Variants in SLCO6A1 observed in about 807,000 individuals in gnomAD.
SLCO6A1 encodes cancer/testis antigen 48.
SLCO6A1 carries 65 observed loss-of-function variants against 72.7 expected under a neutral mutation model. That is an observed-to-expected ratio of 0.89 (90% CI 0.73 to 1.10). The LOEUF is 1.10. Ranked by LOEUF, SLCO6A1 falls within the 50% of genes least tolerant of loss-of-function variation. The pLI, the probability that SLCO6A1 is intolerant of heterozygous loss-of-function variation, is 0.00. For synonymous variants in SLCO6A1, 314 were observed against 298.2 expected (o/e 1.05, Z -0.55); for missense variants, 874 against 872.6 (o/e 1.00, Z -0.02).
intron 7 of SLCO6A1, among the ~76,000 whole-genome samples, chr5:102,433,812 T>C (rs1749351775): frequency 6.6e-6 from 1 of 152,078 alleles, no homozygotes; most frequent in African/African-American, 2.4e-5. Flanking sequence ...TGGCAGGTAC[T>C]GGGGTGCTAG....
chr5:102,459,545 G>T, intron 5 of SLCO6A1, 111 bp downstream of exon 5: 2 of 1,215,242 alleles, frequency 1.6e-6, no homozygotes, highest in Non-Finnish European at 2.2e-6. Flanking sequence ...CCACTACAGC[G>T]AGAGGCATAC....
chr5:102,481,539 C>T (rs1752194247), intron 1 of SLCO6A1, among the ~76,000 whole-genome samples: 1 of 152,186 alleles, frequency 6.6e-6, no homozygotes, highest in East Asian at 1.9e-4. Context: ...ATTGTGGTTT[C>T]AGACTTCCCA....
intron 6 of SLCO6A1, among the ~76,000 whole-genome samples, chr5:102,452,040 T>C (rs183773470): frequency 7.2e-5 from 11 of 152,372 alleles, no homozygotes; most frequent in African/African-American, 2.6e-4. Flanking sequence ...TTGATTTATT[T>C]TGTCAGCAAT....
At chr5:102,455,027 T>TATATAAATATATATATATATATACATAA (rs144619414) in intron 6 of SLCO6A1, among the ~76,000 whole-genome samples, 1 of 141,830 alleles carries the variant, frequency 7.1e-6, no homozygotes, top group African/African-American at 2.7e-5. Flanking sequence ...TATATATATA[T>TATATAAATATATATATATATATACATAA]AAATTATGTT....
chr5:102,444,682 G>T (rs1161283722), intron 6 of SLCO6A1, among the ~76,000 whole-genome samples: 2 of 152,106 alleles, frequency 1.3e-5, no homozygotes, highest in African/African-American at 2.4e-5. Flanking sequence ...GTCACACCTA[G>T]GAGATGATTC....
At chr5:102,399,450 C>G (rs1221614908) in intron 10 of SLCO6A1, 105 bp downstream of exon 10, 4 of 737,048 alleles carry the variant, frequency 5.4e-6, no homozygotes, top group Non-Finnish European at 7.7e-6. Flanking sequence ...GCATTTGCTA[C>G]CATGAAACAC....
intron 7 of SLCO6A1, among the ~76,000 whole-genome samples, chr5:102,425,964 G>T (rs1351314579): frequency 6.6e-6 from 1 of 150,984 alleles, no homozygotes; most frequent in African/African-American, 2.4e-5. Context: ...AAATAATGCT[G>T]TGTATCTACA....
intron 6 of SLCO6A1, among the ~76,000 whole-genome samples, chr5:102,441,869 G>T (rs1749852075): frequency 6.6e-6 from 1 of 151,150 alleles, no homozygotes; most frequent in African/African-American, 2.4e-5. Flanking sequence ...TTATTCTATA[G>T]TTTTTTTATT....
At chr5:102,376,843 C>G (rs1380902912) in intron 12 of SLCO6A1, among the ~76,000 whole-genome samples, 3 of 152,074 alleles carry the variant, frequency 2.0e-5, no homozygotes, top group Non-Finnish European at 4.4e-5. Context: ...CCCAATAAAA[C>G]AAAAACATAT....
At chr5:102,445,566 G>A (rs1042087801) in intron 6 of SLCO6A1, among the ~76,000 whole-genome samples, 1 of 152,012 alleles carries the variant, frequency 6.6e-6, no homozygotes, top group Non-Finnish European at 1.5e-5. Context: ...TGTGCAGAAC[G>A]CTTTAGTTTA....
intron 4 of SLCO6A1, among the ~76,000 whole-genome samples, chr5:102,465,285 G>A (rs1378795885): frequency 1.3e-5 from 2 of 150,920 alleles, no homozygotes; most frequent in African/African-American, 2.4e-5. Flanking sequence ...CAGGAGCATC[G>A]CTTGACCAAC....
chr5:102,399,464 G>A, intron 10 of SLCO6A1, 91 bp downstream of exon 10: 1 of 858,644 alleles, frequency 1.2e-6, no homozygotes. Context: ...GAAACACAGA[G>A]TAAATTATTT....
At chr5:102,470,641 G>T (rs1251930693) in intron 4 of SLCO6A1, among the ~76,000 whole-genome samples, 1 of 151,656 alleles carries the variant, frequency 6.6e-6, no homozygotes, top group African/African-American at 2.4e-5. Flanking sequence ...AGGGTTTTTT[G>T]TCTCATGGGG....
chr5:102,394,410 T>C (rs1298514606), intron 10 of SLCO6A1, among the ~76,000 whole-genome samples: 5 of 151,854 alleles, frequency 3.3e-5, no homozygotes, highest in African/African-American at 1.2e-4. Flanking sequence ...TGGAGAAATT[T>C]GCTTGCTTAT....
In SLCO6A1 at chr5:102,430,650, A is replaced by G. The variant is rs191156833; in HGVS notation, c.1276+7967T>C. On this transcript the variant is annotated intron_variant, in intron 7 of 13. Transcript: ENST00000506729. Reference sequence around the variant, plus strand: ...ATCTTGCATTACAGGGATAAAACCTACTTGATCATGGTGGATTAGCTTTTG... The same window carrying G: ...ATCTTGCATTACAGGGATAAAACCTGCTTGATCATGGTGGATTAGCTTTTG... 5.3e-5 allele frequency among the ~76,000 whole-genome samples: 8 copies of G among 152,308 alleles called. No homozygotes were observed. The East Asian group carries it at 1.5e-3, about 29-fold the overall frequency.
chr5:102,377,364 C>A (rs1745856908), intron 12 of SLCO6A1, among the ~76,000 whole-genome samples: 1 of 152,014 alleles, frequency 6.6e-6, no homozygotes, highest in Admixed American at 6.6e-5. Flanking sequence ...TAAAATTAAG[C>A]AAGATACACA....
intron 12 of SLCO6A1, among the ~76,000 whole-genome samples, chr5:102,383,800 A>T (rs1746254297): frequency 6.6e-6 from 1 of 151,898 alleles, no homozygotes; most frequent in Non-Finnish European, 1.5e-5. Flanking sequence ...GTTTAGCAGA[A>T]TTCATCAGTG....
chr5:102,469,059 G>T (rs1175556267), intron 4 of SLCO6A1, among the ~76,000 whole-genome samples: 2 of 152,030 alleles, frequency 1.3e-5, no homozygotes, highest in African/African-American at 4.8e-5. Context: ...TTTGCTTACT[G>T]TAGCCTTGTA....
intron 7 of SLCO6A1, among the ~76,000 whole-genome samples, chr5:102,437,861 C>A (rs1749629798): frequency 6.6e-6 from 1 of 152,092 alleles, no homozygotes; most frequent in Admixed American, 6.6e-5. Flanking sequence ...CATCCTTGAC[C>A]TTTTACACCC....
Sources: gnomAD v4.1 joint callset for allele counts (sites outside exome capture counted in the v4.1 genomes callset) on GRCh38, gnomAD v4.1.1 for gene constraint, MANE v1.5 for transcripts, NCBI Gene and HGNC (gene_info 2026-07-23, HGNC 2026-07-21) for gene names.